The following SH3KBP1 variants were observed in gnomAD, a reference collection of about 807,000 sequenced individuals.
SH3KBP1 encodes the protein SH3 domain-containing kinase-binding protein 1.
In SH3KBP1, 8 loss-of-function variants were observed where a neutral mutation model predicts 50.1. The observed-to-expected ratio is 0.16, with a 90% CI of 0.09 to 0.29. The LOEUF (loss-of-function observed/expected upper bound fraction) is 0.29, where lower values mean the gene tolerates loss of function less well. SH3KBP1 is among the 10% of genes least tolerant of loss of function. SH3KBP1 has a pLI of 1.00. For synonymous variants in SH3KBP1, 227 were observed against 218.6 expected (o/e 1.04, Z -0.34); for missense variants, 377 against 535.2 (o/e 0.70, Z 2.92).
At chrX:19,830,871 G>A (rs2067852163) in intron 2 of SH3KBP1, among the ~76,000 whole-genome samples, 1 of 112,188 alleles carries the variant, frequency 8.9e-6, no homozygotes, top group African/African-American at 3.2e-5. Flanking sequence ...CTAAATAAAA[G>A]AGAGACAAAC....
At chrX:19,817,927 G>A (rs751857822) in intron 2 of SH3KBP1, among the ~76,000 whole-genome samples, 2 of 112,157 alleles carry the variant, frequency 1.8e-5, no homozygotes, top group African/African-American at 6.5e-5. Context: ...GAGCCACAGT[G>A]CCCAGCCAAT....
intron 12 of SH3KBP1, among the ~76,000 whole-genome samples, chrX:19,587,170 C>T (rs2066595895): frequency 9.7e-6 from 1 of 103,035 alleles, no homozygotes; most frequent in African/African-American, 3.6e-5. Context: ...TGCGGTGAGC[C>T]GAGATTGCGC....
chrX:19,567,860 C>T (rs1336314942), intron 13 of SH3KBP1, among the ~76,000 whole-genome samples: 8 of 110,008 alleles, frequency 7.3e-5, no homozygotes, highest in Non-Finnish European at 1.5e-4. Context: ...TAACTTATGA[C>T]CTTGATAGGT....
intron 2 of SH3KBP1, among the ~76,000 whole-genome samples, chrX:19,780,642 G>A (rs1001133467): frequency 3.7e-5 from 4 of 106,865 alleles, no homozygotes; most frequent in South Asian, 8.4e-4. Flanking sequence ...GAAGGGATCC[G>A]GTTTCAGCTT....
chrX:19,848,699 T>G (rs1278089131), intron 1 of SH3KBP1, among the ~76,000 whole-genome samples: 1 of 111,962 alleles, frequency 8.9e-6, no homozygotes, highest in African/African-American at 3.2e-5. Context: ...ATGAGAGAAT[T>G]GGACAATCAA....
intron 6 of SH3KBP1, among the ~76,000 whole-genome samples, chrX:19,658,624 G>T (rs1314561170): frequency 9.0e-6 from 1 of 110,701 alleles, no homozygotes; most frequent in Non-Finnish European, 1.9e-5. Context: ...GAGTGCAGTG[G>T]CGCGATCTCA....
intron 2 of SH3KBP1, among the ~76,000 whole-genome samples, chrX:19,779,560 A>C (rs1603235444): frequency 1.2e-5 from 1 of 85,525 alleles, no homozygotes; most frequent in Non-Finnish European, 2.3e-5. Context: ...TATATCTCCC[A>C]ATGCTATCCC....
At chrX:19,761,417 A>C (rs1412970800) in intron 2 of SH3KBP1, among the ~76,000 whole-genome samples, 1 of 103,553 alleles carries the variant, frequency 9.7e-6, no homozygotes, top group East Asian at 3.1e-4. Flanking sequence ...GAGAGGGAGG[A>C]AAGGAGGGAG....
intron 2 of SH3KBP1, among the ~76,000 whole-genome samples, chrX:19,794,636 G>C (rs1603248045): frequency 9.0e-6 from 1 of 111,219 alleles, no homozygotes; most frequent in African/African-American, 3.3e-5. Flanking sequence ...TCGGGAGGCA[G>C]AGCTTGCAGT....
intron 2 of SH3KBP1, among the ~76,000 whole-genome samples, chrX:19,824,574 TTAAATATCCAG>T (rs1426665560): frequency 8.9e-6 from 1 of 111,809 alleles, no homozygotes; most frequent in African/African-American, 3.3e-5. Flanking sequence ...CTTAACAAGT[TTAAATATCCAG>T]TAATGATCAC....
intron 2 of SH3KBP1, among the ~76,000 whole-genome samples, chrX:19,825,074 A>T (rs2067636356): frequency 8.9e-6 from 1 of 112,225 alleles, no homozygotes; most frequent in Non-Finnish European, 1.9e-5. Context: ...ATAGTCACAC[A>T]TCTTGATTAT....
chrX:19,833,499 A>C (rs1408553053), intron 2 of SH3KBP1, among the ~76,000 whole-genome samples: 40 of 44,275 alleles, frequency 9.0e-4, no homozygotes, highest in Non-Finnish European at 1.1e-3. Context: ...AGTCCTCCTC[A>C]CCTTCCCAAA....
At chrX:19,831,701 A>G (rs1013577325) in intron 2 of SH3KBP1, among the ~76,000 whole-genome samples, 5 of 99,171 alleles carry the variant, frequency 5.0e-5, no homozygotes, top group East Asian at 3.4e-4. Flanking sequence ...TGAGGCAGGA[A>G]AATCACTTGA....
chrX:19,692,859 T>A (rs749231881), intron 5 of SH3KBP1, among the ~76,000 whole-genome samples: 1 of 107,816 alleles, frequency 9.3e-6, no homozygotes, highest in Admixed American at 1.0e-4. Context: ...ATTTTTGTTT[T>A]TTTGTTTTTA....
At chrX:19,642,440 T>C (rs1420663485) in intron 7 of SH3KBP1, among the ~76,000 whole-genome samples, 1 of 111,700 alleles carries the variant, frequency 9.0e-6, no homozygotes, top group Admixed American at 9.5e-5. Flanking sequence ...TGAGATGAGG[T>C]TCAGCAGGGA....
chrX:19,542,277 A>C, intron 15 of SH3KBP1, 84 bp from the exon 16 acceptor site: 1 of 906,943 alleles, frequency 1.1e-6, no homozygotes. Flanking sequence ...CTCTCCGTTA[A>C]CACCACTGTC....
chrX:19,756,322 A>C (rs966183426), intron 2 of SH3KBP1, among the ~76,000 whole-genome samples: 3 of 111,346 alleles, frequency 2.7e-5, no homozygotes, highest in African/African-American at 9.8e-5. Context: ...GTTTGTTTTC[A>C]CAGCATGTGA....
intron 6 of SH3KBP1, among the ~76,000 whole-genome samples, chrX:19,668,935 A>AATATATATATAT (rs56844238): frequency 2.7e-3 from 90 of 32,832 alleles, no homozygotes; most frequent in Non-Finnish European, 4.2e-3. Context: ...GATTGAGGGT[A>AATATATATATAT]ATATATATAT....
intron 1 of SH3KBP1, among the ~76,000 whole-genome samples, chrX:19,868,639 C>A (rs951808850): frequency 9.7e-6 from 1 of 102,685 alleles, no homozygotes; most frequent in Non-Finnish European, 2.0e-5. Flanking sequence ...ATAAACCCAT[C>A]GTGAGTTGAA....
Sources: gnomAD v4.1 joint callset for allele counts (sites outside exome capture counted in the v4.1 genomes callset) on GRCh38, gnomAD v4.1.1 for gene constraint, MANE v1.5 for transcripts, NCBI Gene and HGNC (gene_info 2026-07-23, HGNC 2026-07-21) for gene names.